RAP1GAP2: variants seen among roughly 807,000 people sequenced by gnomAD.
RAP1GAP2 encodes RAP1 GTPase activating protein 2.
RAP1GAP2 carries 27 observed loss-of-function variants against 95.0 expected under a neutral mutation model. That is an observed-to-expected ratio of 0.28 (90% CI 0.21 to 0.39). The LOEUF is 0.39. Ranked by LOEUF, RAP1GAP2 falls within the 10% of genes least tolerant of loss-of-function variation. The pLI, the probability that RAP1GAP2 is intolerant of heterozygous loss-of-function variation, is 1.00. For missense variants in RAP1GAP2, 771 were observed against 970.0 expected, an observed-to-expected ratio of 0.79 and a Z score of 2.72; for synonymous variants, 373 against 380.9, an observed-to-expected ratio of 0.98 and a Z score of 0.24.
In RAP1GAP2 at chr17:3,018,255, C is replaced by A. The variant is rs1006024550; in HGVS notation, c.1632+57C>A. 13 of 1,511,756 alleles carry A rather than the reference C, an allele frequency of 8.6e-6. No homozygotes were observed. The Admixed American group carries it at 1.2e-4, about 14-fold the overall frequency. The allele number at this position is 1,511,756 out of a possible 1,614,324, so 93.6% of individuals were successfully genotyped here. A position where few individuals can be genotyped will look rare whatever the true frequency, so the allele number is the denominator to read the frequency against. On this transcript the variant is annotated intron_variant, in intron 18 of 24. Coordinates refer to ENST00000254695, the MANE Select transcript of RAP1GAP2 (RefSeq NM_015085.5). ...GGGTCCCAGGGAGGCCCCCCCCAGA[C>A]CTATGGAGGAAGAGTGCCCCCACCC...
chr17:2,944,626 C>G (rs1406470755), intron 3 of RAP1GAP2, among the ~76,000 whole-genome samples: 1 of 152,126 alleles, frequency 6.6e-6, no homozygotes, highest in East Asian at 1.9e-4. Context: ...GATGGAATTT[C>G]CCTATCAAAT....
rs2042187220 is a variant in RAP1GAP2, at chr17:2,906,005, G to A, written c.165+637G>A. 6.6e-6 allele frequency among the ~76,000 whole-genome samples: 1 copy of A among 152,154 alleles called. No individual in the cohort carries two copies. Reference sequence around the variant, plus strand: ...TTTCAGTCCGACGCCTCGGCAGGATGGCCACACAGGCCTGAGCTGGTCCTC... The same window carrying A: ...TTTCAGTCCGACGCCTCGGCAGGATAGCCACACAGGCCTGAGCTGGTCCTC... On this transcript the variant is annotated intron_variant, in intron 3 of 24. Coordinates refer to ENST00000254695, the MANE Select transcript of RAP1GAP2 (RefSeq NM_015085.5). The surrounding 1 kb of genome is among the most constrained non-coding windows in gnomAD (Gnocchi z 4.3).
chr17:3,010,336 CAAAAAAAAAAAA>C (rs1179623628), intron 17 of RAP1GAP2, among the ~76,000 whole-genome samples: 2 of 70,278 alleles, frequency 2.8e-5, no homozygotes, highest in African/African-American at 5.5e-5. Flanking sequence ...GAGACTGTCT[CAAAAAAAAAAAA>C]AAAAAAAAAA....
At chr17:2,923,344 T>G (rs75878876) in intron 3 of RAP1GAP2, among the ~76,000 whole-genome samples, 24,674 of 150,444 alleles carry the variant, frequency 0.16, 3,667 homozygotes, top group African/African-American at 0.38. Flanking sequence ...GGCCTTTTTT[T>G]TTTTTGAGAC....
intron 3 of RAP1GAP2, among the ~76,000 whole-genome samples, chr17:2,934,059 G>A (rs1435093997): frequency 1.3e-5 from 2 of 152,256 alleles, no homozygotes; most frequent in East Asian, 1.9e-4. Context: ...TCACAGCCAC[G>A]GATGGCGTCC....
chr17:2,917,064 CTG>C (rs2042595630), intron 3 of RAP1GAP2, among the ~76,000 whole-genome samples: 1 of 152,220 alleles, frequency 6.6e-6, no homozygotes, highest in African/African-American at 2.4e-5. Flanking sequence ...CTTGCCCTCT[CTG>C]TTGATTCTCC....
In RAP1GAP2 at chr17:2,965,677, T is replaced by G; in HGVS notation, c.596+34T>G. ...GTTGCGCTGCTTGAGGCCACTTCTC[T>G]TCCAGGCAGGGCTCTCATCGGTGGT... On this transcript the variant is annotated intron_variant, in intron 8 of 24. Coordinates refer to ENST00000254695, the MANE Select transcript of RAP1GAP2 (RefSeq NM_015085.5). The surrounding 1 kb of genome is among the most constrained non-coding windows in gnomAD (Gnocchi z 4.7). 9 of 1,462,366 alleles carry G rather than the reference T, an allele frequency of 6.2e-6. No individual in the cohort carries two copies. The highest frequency in any genetic ancestry group is 8.5e-6 in the Non-Finnish European group (9 of 1,057,308). The allele number at this position is 1,462,366 out of a possible 1,614,324, so 90.6% of individuals were successfully genotyped here.
chr17:2,762,011 C>T (rs1264665253), intron 1 of RAP1GAP2, among the ~76,000 whole-genome samples: 56 of 94,188 alleles, frequency 5.9e-4, no homozygotes, highest in Middle Eastern at 0.013. Flanking sequence ...TTTTTTGAGA[C>T]GGAGTCTTGC....
rs535203014 is a variant in RAP1GAP2 at position 2,868,674 on chromosome 17, C to G, written c.81-36610C>G. Among the ~76,000 whole-genome samples the G allele has an allele frequency of 2.4e-5, 3 of 125,368 alleles. No homozygotes were observed. In the Admixed American group the frequency reaches 2.6e-4, roughly 11 times the overall value. The allele number at this position is 125,368 out of a possible 152,430, so 82.2% of individuals were successfully genotyped here. A position where few individuals can be genotyped will look rare whatever the true frequency, so the allele number is the denominator to read the frequency against. The stretch of plus-strand genomic sequence containing the variant: ...CTGGGATTACAGGCATGTGCCACTA[C>G]GCCTGTCTAATTTCTGTATTTTTTA... On this transcript the variant is annotated intron_variant, in intron 2 of 24. Coordinates refer to ENST00000254695, the MANE Select transcript of RAP1GAP2 (RefSeq NM_015085.5).
At chr17:2,828,280 G>A (rs2070671630) in intron 2 of RAP1GAP2, among the ~76,000 whole-genome samples, 1 of 152,168 alleles carries the variant, frequency 6.6e-6, no homozygotes, top group Admixed American at 6.6e-5. Context: ...GGCGGAGGTT[G>A]CAGTGAGCCG....
At chr17:2,976,288 A>G (rs2045116748) in intron 8 of RAP1GAP2, among the ~76,000 whole-genome samples, 2 of 152,240 alleles carry the variant, frequency 1.3e-5, no homozygotes, top group African/African-American at 4.8e-5. Context: ...CATTTTTTCA[A>G]GCTCACATGG....
At chr17:2,790,000 C>A (rs1218192851) in intron 1 of RAP1GAP2, among the ~76,000 whole-genome samples, 1 of 152,046 alleles carries the variant, frequency 6.6e-6, no homozygotes, top group East Asian at 1.9e-4. Context: ...ATGCTAGGTG[C>A]TGTTTTTATC....
chr17:2,907,472 T>C (rs970991471), intron 3 of RAP1GAP2, among the ~76,000 whole-genome samples: 2 of 151,560 alleles, frequency 1.3e-5, no homozygotes, highest in Non-Finnish European at 2.9e-5. Flanking sequence ...AATGGAAAAA[T>C]AATGTCAGGA....
At chr17:2,898,770 G>GTT (rs2041925664) in intron 2 of RAP1GAP2, among the ~76,000 whole-genome samples, 1 of 152,224 alleles carries the variant, frequency 6.6e-6, no homozygotes, top group African/African-American at 2.4e-5. Flanking sequence ...GACCAGCCAT[G>GTT]TTTTTGCAGC....
intron 12 of RAP1GAP2, 98 bp from the exon 13 acceptor site, chr17:2,995,239 C>T: frequency 1.4e-6 from 2 of 1,411,144 alleles, no homozygotes; most frequent in South Asian, 1.3e-5. Flanking sequence ...TCCTCTGCTG[C>T]GTATCCTCTG....
chr17:3,024,406 A>G (rs972062025), intron 19 of RAP1GAP2, among the ~76,000 whole-genome samples: 1 of 152,234 alleles, frequency 6.6e-6, no homozygotes, highest in East Asian at 1.9e-4. Context: ...GATGTCAGAG[A>G]GGATATGGAG....
Position 2,964,015 on chromosome 17 carries a change from A to C in RAP1GAP2, c.439A>C (p.Lys147Gln). 1 of 1,612,136 alleles carries C rather than the reference A, an allele frequency of 6.2e-7. No individual in the cohort carries two copies. Among genetic ancestry groups the C allele is most frequent in the Non-Finnish European group, 8.5e-7 (1 of 1,179,492 alleles). ...CCTCAGCCCCAACACATTTGGCTAC[A>C]AGCTCGAGTGCAAGGGTGAAGCCAG... ...DNLSPNTFGY[K>Q]LECKGEARAY... The change falls in exon 7 of 25, where the codon AAG becomes CAG. Residue 147 changes from lysine to glutamine, a missense_variant. Physicochemically the swap from Lys to Gln is moderately conservative, Grantham distance 53 (BLOSUM62 1). Transcript: ENST00000254695.
intron 1 of RAP1GAP2, among the ~76,000 whole-genome samples, chr17:2,780,165 C>G (rs1462046165): frequency 2.0e-5 from 3 of 152,330 alleles, no homozygotes; most frequent in African/African-American, 7.2e-5. Context: ...ATTCTCCTGT[C>G]TCAGCCTCCC....
rs1001114758 is a variant in RAP1GAP2, at chr17:3,034,732, A to C, written c.*1371A>C. 1 of 152,778 alleles carries C rather than the reference A, an allele frequency of 6.5e-6. No individual in the cohort carries two copies. The highest frequency in any genetic ancestry group is 2.4e-5 in the African/African-American group (1 of 41,474). 9.5% of individuals were successfully genotyped at this position (152,778 alleles called of 1,614,324 possible). ...GGACAGCCAGCTCACCTCCAAGGACATCCCCTCCTGGCTTCTCCCCCTTCC... is the reference window on the plus strand; with the variant it reads ...GGACAGCCAGCTCACCTCCAAGGACCTCCCCTCCTGGCTTCTCCCCCTTCC... On this transcript the variant is annotated 3_prime_UTR_variant, in exon 25 of 25. Coordinates refer to ENST00000254695, the MANE Select transcript of RAP1GAP2 (RefSeq NM_015085.5). This position sits in a 1 kb window ranked among gnomAD's most constrained non-coding sequence, Gnocchi z 5.1.
Sources: gnomAD v4.1 joint callset for allele counts (sites outside exome capture counted in the v4.1 genomes callset) on GRCh38, gnomAD v4.1.1 for gene constraint, Gnocchi (gnomAD v3.1) non-coding constraint, MANE v1.5 for transcripts, NCBI Gene and HGNC (gene_info 2026-07-23, HGNC 2026-07-21) for gene names.